IQCM: variants seen among roughly 807,000 people sequenced by gnomAD.
The protein encoded by IQCM is IQ motif containing M.
In IQCM, 45 loss-of-function variants were observed where a neutral mutation model predicts 57.6. The observed-to-expected ratio is 0.78, with a 90% CI of 0.62 to 1.00. The LOEUF (loss-of-function observed/expected upper bound fraction) is 1.00, where lower values mean the gene tolerates loss of function less well. Ranked by LOEUF, IQCM falls within the 50% of genes least tolerant of loss-of-function variation. The pLI is 0.00. For synonymous variants in IQCM, 148 were observed against 158.9 expected, an observed-to-expected ratio of 0.93 and a Z score of 0.51; for missense variants, 468 against 511.6, an observed-to-expected ratio of 0.91 and a Z score of 0.82.
At chr4:149,792,189 A>G (rs1772687150) in intron 2 of IQCM, among the ~76,000 whole-genome samples, 1 of 152,174 alleles carries the variant, frequency 6.6e-6, no homozygotes, top group Non-Finnish European at 1.5e-5. Context: ...GGTTATATTA[A>G]TTACATCAGA....
At chr4:149,766,027 A>G (rs1347580717) in intron 2 of IQCM, among the ~76,000 whole-genome samples, 1 of 152,118 alleles carries the variant, frequency 6.6e-6, no homozygotes, top group Non-Finnish European at 1.5e-5. Context: ...CTGAGTTCTC[A>G]GGGAGGTGAA....
intron 12 of IQCM, among the ~76,000 whole-genome samples, chr4:149,442,142 T>C (rs1736005996): frequency 6.6e-6 from 1 of 152,168 alleles, no homozygotes; most frequent in African/African-American, 2.4e-5. Flanking sequence ...CTAATGAGAC[T>C]TGTGAGTCAC....
At chr4:149,353,903 G>A (rs1016462590) in intron 13 of IQCM, among the ~76,000 whole-genome samples, 6 of 152,068 alleles carry the variant, frequency 3.9e-5, no homozygotes, top group African/African-American at 1.4e-4. Flanking sequence ...CCGTATTTGG[G>A]ATTCCCACTA....
chr4:149,763,571 A>G (rs572499851), intron 2 of IQCM, among the ~76,000 whole-genome samples: 2 of 152,206 alleles, frequency 1.3e-5, no homozygotes, highest in East Asian at 3.9e-4. Context: ...ACTACGCTAA[A>G]CCCTTTAATA....
At chr4:149,470,769 T>C (rs1050344131) in intron 12 of IQCM, among the ~76,000 whole-genome samples, 1 of 152,126 alleles carries the variant, frequency 6.6e-6, no homozygotes, top group Non-Finnish European at 1.5e-5. Context: ...ACAAACTGTC[T>C]CTCAGACCAC....
At chr4:149,567,418 C>T (rs896239127) in intron 9 of IQCM, among the ~76,000 whole-genome samples, 1 of 152,072 alleles carries the variant, frequency 6.6e-6, no homozygotes, top group African/African-American at 2.4e-5. Flanking sequence ...GCGATCTACT[C>T]TCACCACAAC....
chr4:149,744,786 T>C (rs1767772280), intron 2 of IQCM, among the ~76,000 whole-genome samples: 1 of 152,074 alleles, frequency 6.6e-6, no homozygotes, highest in African/African-American at 2.4e-5. Context: ...AATAAAAGCA[T>C]ATTTAGTGCC....
chr4:149,626,405 A>ATATATATATATAT (rs1554010309), intron 7 of IQCM, among the ~76,000 whole-genome samples: 2 of 119,610 alleles, frequency 1.7e-5, no homozygotes, highest in African/African-American at 5.9e-5. Flanking sequence ...ATATATATAT[A>ATATATATATATAT]AGTTTATAGC....
At chr4:149,385,785 C>G (rs1300067467) in intron 13 of IQCM, among the ~76,000 whole-genome samples, 1 of 152,050 alleles carries the variant, frequency 6.6e-6, no homozygotes, top group Admixed American at 6.6e-5. Flanking sequence ...AGTTGAAGTT[C>G]TTCAATTTTC....
At chr4:149,618,646 A>T (rs1289788288) in intron 8 of IQCM, among the ~76,000 whole-genome samples, 1 of 152,096 alleles carries the variant, frequency 6.6e-6, no homozygotes, top group Non-Finnish European at 1.5e-5. Flanking sequence ...CAAACAAGAA[A>T]AAAAAATCCC....
chr4:149,671,843 C>G (rs1033615909), intron 7 of IQCM, among the ~76,000 whole-genome samples: 1 of 152,142 alleles, frequency 6.6e-6, no homozygotes, highest in Admixed American at 6.6e-5. Flanking sequence ...ATCTGAGAGA[C>G]AGTTTGTTAT....
intron 9 of IQCM, among the ~76,000 whole-genome samples, chr4:149,572,682 T>G (rs1337610180): frequency 6.6e-6 from 1 of 152,036 alleles, no homozygotes; most frequent in East Asian, 1.9e-4. Flanking sequence ...GGTTTCATCA[T>G]GTTCTCAAAT....
At chr4:149,588,116 A>T (rs935226816) in intron 8 of IQCM, 119 bp from the exon 9 acceptor site, 2 of 413,040 alleles carry the variant, frequency 4.8e-6, no homozygotes, top group African/African-American at 4.1e-5. Context: ...AATATATATT[A>T]TGAATCTGCA....
At chr4:149,413,792 C>G (rs1047450551) in intron 13 of IQCM, among the ~76,000 whole-genome samples, 1 of 152,120 alleles carries the variant, frequency 6.6e-6, no homozygotes, top group Non-Finnish European at 1.5e-5. Context: ...ATACCTCTGA[C>G]TATTAAACAT....
In IQCM at chr4:149,815,329, A is replaced by G. The variant is rs1029917510; in HGVS notation, c.-67T>C. ...CTTCTACCTTAAAGTTTTTCATTCC[A>G]AGGTCATTTGTTCTTCTTCCTAGAA... On this transcript the variant is annotated 5_prime_UTR_variant, in exon 2 of 14. Transcript: ENST00000636793. 6.6e-6 allele frequency: 1 copy of G among 151,954 alleles called. No individual in the cohort carries two copies. The highest frequency in any genetic ancestry group is 1.5e-5 in the Non-Finnish European group (1 of 67,884). The allele number at this position is 151,954 out of a possible 1,614,324, so 9.4% of individuals were successfully genotyped here.
Position 149,359,601 on chromosome 4 carries a change from T to C in IQCM, c.1391-7535A>G, listed in dbSNP as rs72953655. On this transcript the variant is annotated intron_variant, in intron 13 of 13. Transcript: ENST00000636793. Reference sequence around the variant, plus strand: ...GTGGAAATGTTCAAATAATAGATAATATGCTGAATACACGATTTACAGGCT... The same window carrying C: ...GTGGAAATGTTCAAATAATAGATAACATGCTGAATACACGATTTACAGGCT... Among the ~76,000 whole-genome samples, 597 of 152,282 alleles carry C rather than the reference T, an allele frequency of 3.9e-3. 4 individuals are homozygous for C. The highest frequency in any genetic ancestry group is 0.014 in the African/African-American group (562 of 41,568).
intron 13 of IQCM, among the ~76,000 whole-genome samples, chr4:149,368,130 G>C (rs1206104713): frequency 6.6e-6 from 1 of 151,804 alleles, no homozygotes; most frequent in Admixed American, 6.6e-5. Context: ...AAAGTCATTT[G>C]TCTTCTCTTT....
At chr4:149,368,756 GTATA>G (rs34134697) in intron 13 of IQCM, among the ~76,000 whole-genome samples, 17 of 73,254 alleles carry the variant, frequency 2.3e-4, no homozygotes, top group South Asian at 1.5e-3. Context: ...ATATATACAT[GTATA>G]TATATATATA....
At chr4:149,512,580 G>A (rs745802371) in intron 12 of IQCM, among the ~76,000 whole-genome samples, 2 of 152,078 alleles carry the variant, frequency 1.3e-5, no homozygotes, top group Non-Finnish European at 2.9e-5. Context: ...TGTGCAGACA[G>A]TTGAATTATT....
Sources: gnomAD v4.1 joint callset for allele counts (sites outside exome capture counted in the v4.1 genomes callset) on GRCh38, gnomAD v4.1.1 for gene constraint, MANE v1.5 for transcripts, NCBI Gene and HGNC (gene_info 2026-07-23, HGNC 2026-07-21) for gene names.